The following MAGI1 variants were observed in gnomAD, a reference collection of about 807,000 sequenced individuals.
The protein encoded by MAGI1 is membrane associated guanylate kinase, WW and PDZ domain containing 1, also known as membrane-associated guanylate kinase, WW and PDZ domain-containing protein 1.
In MAGI1, 58 loss-of-function variants were observed where a neutral mutation model predicts 139.9. The ratio of observed to expected loss-of-function variants is 0.41; its 90% confidence interval spans 0.34 to 0.52. The LOEUF (loss-of-function observed/expected upper bound fraction) is 0.52. Ranked by LOEUF, MAGI1 falls within the 20% of genes least tolerant of loss-of-function variation. MAGI1 has a pLI of 0.12. For synonymous variants in MAGI1, 812 were observed against 737.9 expected (o/e 1.10, Z -1.63); for missense variants, 1,874 against 1,901.6 (o/e 0.99, Z 0.27).
At chr3:65,628,667 A>T (rs2084116603) in intron 1 of MAGI1, among the ~76,000 whole-genome samples, 1 of 152,196 alleles carries the variant, frequency 6.6e-6, no homozygotes, top group African/African-American at 2.4e-5. Flanking sequence ...TCAGAATAGA[A>T]GAAATTCCCT....
At chr3:65,401,111 G>A (rs1302838044) in intron 13 of MAGI1, among the ~76,000 whole-genome samples, 1 of 152,090 alleles carries the variant, frequency 6.6e-6, no homozygotes, top group Non-Finnish European at 1.5e-5. Flanking sequence ...GGAAACAATA[G>A]CATTTGTATC....
intron 3 of MAGI1, among the ~76,000 whole-genome samples, chr3:65,483,027 G>A (rs1314880253): frequency 6.6e-6 from 1 of 152,228 alleles, no homozygotes. Context: ...GTGCCCTCAG[G>A]CTGCTGCAAT....
chr3:65,551,482 A>G (rs918071429), intron 2 of MAGI1, among the ~76,000 whole-genome samples: 19 of 151,946 alleles, frequency 1.3e-4, no homozygotes, highest in Non-Finnish European at 1.5e-5. Context: ...CTGTGTTTTT[A>G]GTAGAGACAG....
At chr3:65,986,995 A>G (rs1302686049) in intron 1 of MAGI1, among the ~76,000 whole-genome samples, 1 of 151,616 alleles carries the variant, frequency 6.6e-6, no homozygotes, top group African/African-American at 2.4e-5. Context: ...CTCAGTTTCC[A>G]GAGTAGCTGG....
At chr3:65,681,982 C>T (rs2087621807) in intron 1 of MAGI1, among the ~76,000 whole-genome samples, 1 of 152,104 alleles carries the variant, frequency 6.6e-6, no homozygotes, top group Non-Finnish European at 1.5e-5. Context: ...ATTACACACA[C>T]ATGCTACTTT....
chr3:65,995,080 C>A (rs575913069), intron 1 of MAGI1, among the ~76,000 whole-genome samples: 195 of 152,226 alleles, frequency 1.3e-3, no homozygotes, highest in African/African-American at 4.5e-3. Context: ...TTCTCGGGGA[C>A]AAAAACATTG....
intron 1 of MAGI1, among the ~76,000 whole-genome samples, chr3:65,883,466 A>G (rs2108537398): frequency 1.3e-5 from 2 of 152,342 alleles, no homozygotes; most frequent in South Asian, 4.1e-4. Context: ...TTGCTAGACA[A>G]ACAATTCTTC....
intron 10 of MAGI1, among the ~76,000 whole-genome samples, chr3:65,432,885 C>T (rs1947567965): frequency 6.6e-6 from 1 of 152,176 alleles, no homozygotes; most frequent in South Asian, 2.1e-4. Context: ...ATTACCTTCG[C>T]AGCAAGACCT....
At chr3:65,789,793 A>G (rs1002194192) in intron 1 of MAGI1, among the ~76,000 whole-genome samples, 4 of 151,922 alleles carry the variant, frequency 2.6e-5, no homozygotes, top group African/African-American at 7.3e-5. Context: ...AAAAAAACAA[A>G]ACAAAAACAG....
intron 12 of MAGI1, among the ~76,000 whole-genome samples, chr3:65,416,803 G>T (rs1018163466): frequency 2.0e-5 from 3 of 152,140 alleles, no homozygotes; most frequent in Non-Finnish European, 4.4e-5. Flanking sequence ...GATTCTACCT[G>T]CAAGATGTTT....
intron 1 of MAGI1, among the ~76,000 whole-genome samples, chr3:66,022,548 T>C (rs1490024549): frequency 6.6e-6 from 1 of 152,212 alleles, no homozygotes; most frequent in Non-Finnish European, 1.5e-5. Context: ...TCCTTGGATG[T>C]AGGTATCCGA....
At chr3:65,635,833 C>T (rs2084584352) in intron 1 of MAGI1, among the ~76,000 whole-genome samples, 1 of 152,222 alleles carries the variant, frequency 6.6e-6, no homozygotes, top group African/African-American at 2.4e-5. Flanking sequence ...TGACGTCATT[C>T]ATGCAACAGT....
At chr3:65,819,875 C>CAAAACAAAAAAAAAAA (rs2041840081) in intron 1 of MAGI1, among the ~76,000 whole-genome samples, 1 of 33,454 alleles carries the variant, frequency 3.0e-5, no homozygotes, top group Non-Finnish European at 6.4e-5. Flanking sequence ...GACTCCATCT[C>CAAAACAAAAAAAAAAA]AAAAAAAAAA....
Position 65,379,368 on chromosome 3 carries a change from C to A in MAGI1, c.2888G>T (p.Ser963Ile). The A allele has an allele frequency of 1.2e-6, 2 of 1,612,596 alleles. No individual in the cohort carries two copies. Among genetic ancestry groups the A allele is most frequent in the African/African-American group, 2.7e-5 (2 of 75,000 alleles). Residue 963 changes from serine to isoleucine, a missense_variant, in exon 17 of 23, where the codon AGC becomes ATC. By Grantham distance (142) the Ser-to-Ile change is moderately radical. Transcript: ENST00000402939. ...SGGGGGSGVV[S>I]TVVQPYDVEI... ...CACGTCGTAGGGCTGCACCACGGTG[C>A]TGACCACGCCGCTGCCCCCGCCGCC...
rs182814032 is a variant in MAGI1, at chr3:65,771,510, G to A, written c.314-149422C>T. The stretch of plus-strand genomic sequence containing the variant: ...CATAAATAAAGAAAATTTTATAACT[G>A]TGTAATATAAAAGCACAACCACAGT... On this transcript the variant is annotated intron_variant, in intron 1 of 22. Transcript: ENST00000402939. 2.5e-3 allele frequency among the ~76,000 whole-genome samples: 381 copies of A among 152,190 alleles called. 1 individual carries two copies. The highest frequency in any genetic ancestry group is 3.6e-3 in the Non-Finnish European group (244 of 68,016).
At chr3:65,871,914 C>G (rs264696) in intron 1 of MAGI1, among the ~76,000 whole-genome samples, 1 of 152,102 alleles carries the variant, frequency 6.6e-6, no homozygotes, top group Non-Finnish European at 1.5e-5. Context: ...CTGCCTGGGT[C>G]GGTAACAGTT....
intron 1 of MAGI1, among the ~76,000 whole-genome samples, chr3:65,669,863 G>A (rs1169794529): frequency 6.6e-6 from 1 of 152,146 alleles, no homozygotes; most frequent in Non-Finnish European, 1.5e-5. Flanking sequence ...TATTATTTGT[G>A]CTGTTGTCGG....
At chr3:65,917,042 G>C (rs902713840) in intron 1 of MAGI1, among the ~76,000 whole-genome samples, 1 of 152,168 alleles carries the variant, frequency 6.6e-6, no homozygotes, top group Non-Finnish European at 1.5e-5. Context: ...AAAGGTAATT[G>C]AAATAATCTG....
chr3:65,731,864 C>CTCCAT (rs554022958), intron 1 of MAGI1, among the ~76,000 whole-genome samples: 1 of 152,144 alleles, frequency 6.6e-6, no homozygotes, highest in African/African-American at 2.4e-5. Flanking sequence ...AAGGTGTAAT[C>CTCCAT]TCCATTCTTG....
Sources: gnomAD v4.1 joint callset for allele counts (sites outside exome capture counted in the v4.1 genomes callset) on GRCh38, gnomAD v4.1.1 for gene constraint, MANE v1.5 for transcripts, NCBI Gene and HGNC (gene_info 2026-07-23, HGNC 2026-07-21) for gene names.